The following RXRA variants were observed in gnomAD, a reference collection of about 807,000 sequenced individuals.
RXRA encodes the protein retinoid X receptor alpha.
In RXRA, 5 loss-of-function variants were observed where a neutral mutation model predicts 44.5. The observed-to-expected ratio is 0.11, with a 90% CI of 0.06 to 0.24. RXRA has a LOEUF of 0.24. RXRA is among the 10% of genes least tolerant of loss of function. The pLI is 1.00. For synonymous variants in RXRA, 291 were observed against 271.4 expected, an observed-to-expected ratio of 1.07 and a Z score of -0.71; for missense variants, 412 against 646.5, an observed-to-expected ratio of 0.64 and a Z score of 3.93.
Position 134,417,217 on chromosome 9 carries a change from A to G in RXRA, c.670A>G (p.Ser224Gly). ...GAACGAGAATGAGGTGGAGTCGACC[A>G]GCAGCGCCAACGAGGACATGCCGGT... is the stretch of plus-strand genomic sequence containing the variant. The part of the protein sequence containing the change: ...DRNENEVEST[S>G]SANEDMPVER... The change falls in exon 5 of 10, where the codon AGC (serine) becomes GGC (glycine). Residue 224 changes from serine (S) to glycine (G), a missense_variant. By Grantham distance (56) the Ser-to-Gly change is moderately conservative. Transcript: ENST00000481739. The surrounding 1 kb of genome is among the most constrained non-coding windows in gnomAD (Gnocchi z 6.1). The G allele has an allele frequency of 6.2e-7, 1 of 1,613,754 alleles. No individual in the cohort carries two copies. The highest frequency in any genetic ancestry group is 8.5e-7 in the Non-Finnish European group (1 of 1,179,980).
At chr9:134,384,779 G>T (rs1417144162) in intron 1 of RXRA, among the ~76,000 whole-genome samples, 1 of 152,198 alleles carries the variant, frequency 6.6e-6, no homozygotes, top group African/African-American at 2.4e-5. Context: ...TGACGCTGGT[G>T]CCCTGGGCTT....
At chr9:134,432,136 TC>T in intron 8 of RXRA, 140 bp downstream of exon 8, 1 of 637,206 alleles carries the variant, frequency 1.6e-6, no homozygotes. Flanking sequence ...TGTGCCCCCC[TC>T]CCAGTGAAAG....
intron 1 of RXRA, among the ~76,000 whole-genome samples, chr9:134,339,674 CCTGTGTGTGTGTGTGTCT>C (rs1456730288): frequency 2.4e-5 from 3 of 123,546 alleles, no homozygotes; most frequent in East Asian, 2.4e-4. Context: ...TGTGTGTGAG[CCTGTGTGTGTGTGTGTCT>C]CTGTGTGTGT....
intron 1 of RXRA, among the ~76,000 whole-genome samples, chr9:134,361,763 C>T (rs1830355103): frequency 1.3e-5 from 2 of 152,166 alleles, no homozygotes; most frequent in African/African-American, 4.8e-5. Flanking sequence ...CTGCCTGCCA[C>T]CTGCCTGTGT....
chr9:134,415,275 C>T (rs1456302694), intron 4 of RXRA, among the ~76,000 whole-genome samples: 2 of 152,124 alleles, frequency 1.3e-5, no homozygotes, highest in Non-Finnish European at 2.9e-5. Context: ...TGAAGGGAAT[C>T]AGGGCAGGAC....
At chr9:134,421,946 A>G (rs1480862618) in intron 6 of RXRA, 141 bp downstream of exon 6, 5 of 1,281,302 alleles carry the variant, frequency 3.9e-6, no homozygotes, top group East Asian at 6.6e-5. Context: ...ACCCACTCCT[A>G]CCTCCCGGGA....
At chr9:134,339,600 C>T (rs886992942) in intron 1 of RXRA, among the ~76,000 whole-genome samples, 6 of 125,978 alleles carry the variant, frequency 4.8e-5, no homozygotes, top group South Asian at 2.6e-4. Flanking sequence ...TGAGCCTGTG[C>T]GTGTGTTTCT....
intron 1 of RXRA, among the ~76,000 whole-genome samples, chr9:134,346,341 TC>T (rs1350864229): frequency 6.6e-6 from 1 of 152,128 alleles, no homozygotes; most frequent in Non-Finnish European, 1.5e-5. Context: ...GCACTTGCTG[TC>T]CCCTCCCCCA....
chr9:134,337,938 G>T (rs1367815613), intron 1 of RXRA, among the ~76,000 whole-genome samples: 2 of 152,206 alleles, frequency 1.3e-5, no homozygotes, highest in Non-Finnish European at 2.9e-5. Context: ...GAGAGGTGGC[G>T]GGGGAGAGAT....
At chr9:134,364,994 C>T (rs1344238168) in intron 1 of RXRA, among the ~76,000 whole-genome samples, 1 of 152,222 alleles carries the variant, frequency 6.6e-6, no homozygotes, top group African/African-American at 2.4e-5. Context: ...TATGAGGAGG[C>T]TGATGCTAGA....
In RXRA at chr9:134,408,208, C is replaced by T; in HGVS notation, c.339C>T (p.Leu113=). The T allele has an allele frequency of 6.2e-7, 1 of 1,610,512 alleles. No homozygotes were observed. Among genetic ancestry groups the T allele is most frequent in the Non-Finnish European group, 8.5e-7 (1 of 1,178,426 alleles). Residue 113 remains leucine (L), a synonymous_variant, in exon 3 of 10, where the codon CTC becomes CTT. Coordinates refer to ENST00000481739, the MANE Select transcript of RXRA (RefSeq NM_002957.6). ...SSEDIKPPLG[L]NGVLKVPAHP... Reference sequence around the variant, plus strand: ...AGGACATCAAGCCCCCCCTGGGCCTCAATGGCGTCCTCAAGGTCCCCGCCC... The same window carrying T: ...AGGACATCAAGCCCCCCCTGGGCCTTAATGGCGTCCTCAAGGTCCCCGCCC...
chr9:134,429,731 T>C (rs993322560), intron 7 of RXRA, among the ~76,000 whole-genome samples: 45 of 152,250 alleles, frequency 3.0e-4, no homozygotes, highest in African/African-American at 1.0e-3. Context: ...CTCAGCCACT[T>C]CTCAGGGGAC....
At chr9:134,351,414 C>T (rs868925219) in intron 1 of RXRA, among the ~76,000 whole-genome samples, 5 of 152,182 alleles carry the variant, frequency 3.3e-5, no homozygotes, top group Middle Eastern at 3.2e-3. Flanking sequence ...GTCTCCAGTC[C>T]CTGCCTGCAT....
rs537696633 is a variant in RXRA at position 134,417,634 on chromosome 9, C to T, written c.780+307C>T. Among the ~76,000 whole-genome samples, 11 of 152,152 alleles carry T rather than the reference C, an allele frequency of 7.2e-5. No homozygotes were observed. In the South Asian group the frequency reaches 1.9e-3, roughly 26 times the overall value. On this transcript the variant is annotated intron_variant, in intron 5 of 9. Coordinates refer to ENST00000481739, the MANE Select transcript of RXRA (RefSeq NM_002957.6). This position sits in a 1 kb window ranked among gnomAD's most constrained non-coding sequence, Gnocchi z 6.1. ...CGGCCACCTCTGCTGGGGCCTCAGC[C>T]GCCGTGTCCCCTCGGAGTTTGGCCT...
chr9:134,411,502 G>A (rs35059242), intron 4 of RXRA, among the ~76,000 whole-genome samples: 459 of 152,340 alleles, frequency 3.0e-3, no homozygotes, highest in African/African-American at 0.01. Flanking sequence ...GAGGTGAGCC[G>A]TGGGGAGGTC....
intron 1 of RXRA, among the ~76,000 whole-genome samples, chr9:134,364,558 A>G (rs6583658): frequency 0.22 from 32,855 of 152,218 alleles, 3,713 homozygotes; most frequent in Admixed American, 0.3. Flanking sequence ...AGGCCGGGGC[A>G]TGGTTCTGGT....
chr9:134,350,993 C>T (rs149124433), intron 1 of RXRA, among the ~76,000 whole-genome samples: 1 of 152,374 alleles, frequency 6.6e-6, no homozygotes, highest in Non-Finnish European at 1.5e-5. Context: ...GCTGAGCATC[C>T]CTCACCTGCC....
chr9:134,433,986 C>A lies in RXRA; in HGVS notation c.1136-116C>A. The A allele has an allele frequency of 1.4e-6, 1 of 700,780 alleles. No homozygotes were observed. The highest frequency in any genetic ancestry group is 2.4e-6 in the Non-Finnish European group (1 of 412,978). The allele number at this position is 700,780 out of a possible 1,614,324, so 43.4% of individuals were successfully genotyped here. ...CATGTCCAGCGGCATTCCTCCACCA[C>A]CTGCTCTGCCCATGGTGGGGCAGCC... On this transcript the variant is annotated intron_variant, in intron 8 of 9. Transcript: ENST00000481739. This position sits in a 1 kb window ranked among gnomAD's most constrained non-coding sequence, Gnocchi z 4.2.
At chr9:134,412,321 C>G (rs145260119) in intron 4 of RXRA, among the ~76,000 whole-genome samples, 1 of 152,230 alleles carries the variant, frequency 6.6e-6, no homozygotes. Context: ...AGTGGTCCCT[C>G]GGCCCGGTTT....
Sources: gnomAD v4.1 joint callset for allele counts (sites outside exome capture counted in the v4.1 genomes callset) on GRCh38, gnomAD v4.1.1 for gene constraint, Gnocchi (gnomAD v3.1) non-coding constraint, MANE v1.5 for transcripts, NCBI Gene and HGNC (gene_info 2026-07-23, HGNC 2026-07-21) for gene names.